The following CACNA2D1 variants were observed in gnomAD, a reference collection of about 807,000 sequenced individuals.
CACNA2D1 encodes the protein voltage-dependent calcium channel subunit alpha-2/delta-1.
In CACNA2D1, 53 loss-of-function variants were observed where a neutral mutation model predicts 171.5. The ratio of observed to expected loss-of-function variants is 0.31; its 90% CI spans 0.25 to 0.39. The LOEUF is 0.39. CACNA2D1 is among the 10% of genes least tolerant of loss of function. The pLI is 1.00. For missense variants in CACNA2D1, 903 were observed against 1,299.8 expected, an observed-to-expected ratio of 0.69 and a Z score of 4.69; for synonymous variants, 442 against 443.1, an observed-to-expected ratio of 1.00 and a Z score of 0.03.
intron 3 of CACNA2D1, among the ~76,000 whole-genome samples, chr7:82,208,855 A>G (rs1585103789): frequency 6.6e-6 from 1 of 152,176 alleles, no homozygotes; most frequent in African/African-American, 2.4e-5. Context: ...TAAATGAATG[A>G]TATGTGAGGT....
intron 22 of CACNA2D1, among the ~76,000 whole-genome samples, chr7:81,983,547 C>T (rs1034753645): frequency 2.6e-5 from 4 of 152,068 alleles, no homozygotes; most frequent in Non-Finnish European, 5.9e-5. Flanking sequence ...AACTAGATTA[C>T]CCTCTCTGTA....
chr7:82,243,823 A>G (rs1235701339), intron 3 of CACNA2D1, among the ~76,000 whole-genome samples: 4 of 152,324 alleles, frequency 2.6e-5, no homozygotes, highest in South Asian at 2.1e-4. Context: ...GTGAAATTAC[A>G]GAACTATTTA....
At chr7:82,244,349 T>C (rs770012361) in intron 3 of CACNA2D1, among the ~76,000 whole-genome samples, 14 of 152,106 alleles carry the variant, frequency 9.2e-5, no homozygotes, top group Admixed American at 3.3e-4. Context: ...TATAATCCCA[T>C]AAGACAAAAC....
At chr7:82,144,232 A>C (rs1179352804) in intron 4 of CACNA2D1, among the ~76,000 whole-genome samples, 2 of 152,010 alleles carry the variant, frequency 1.3e-5, no homozygotes, top group Non-Finnish European at 2.9e-5. Flanking sequence ...AACACAATCG[A>C]TAGTACTGAT....
chr7:82,436,908 C>T (rs1055123264), intron 1 of CACNA2D1, among the ~76,000 whole-genome samples: 5 of 152,156 alleles, frequency 3.3e-5, no homozygotes, highest in African/African-American at 1.2e-4. Context: ...ATTTTATTAG[C>T]TCTTTCCCCT....
intron 13 of CACNA2D1, 49 bp from the exon 14 acceptor site, chr7:82,013,559 A>T (rs1441072440): frequency 1.5e-6 from 1 of 651,162 alleles, no homozygotes; most frequent in Non-Finnish European, 2.2e-6. Flanking sequence ...TTTATAATAA[A>T]GGGCCACAAA....
At chr7:82,415,166 C>T (rs1828043797) in intron 1 of CACNA2D1, among the ~76,000 whole-genome samples, 1 of 152,180 alleles carries the variant, frequency 6.6e-6, no homozygotes, top group Non-Finnish European at 1.5e-5. Context: ...CAGGAAGACA[C>T]ATCAGATACA....
At chr7:82,059,642 T>G (rs1806358422) in intron 10 of CACNA2D1, among the ~76,000 whole-genome samples, 1 of 152,022 alleles carries the variant, frequency 6.6e-6, no homozygotes, top group Admixed American at 6.6e-5. Context: ...CTTCAATTAC[T>G]TTAACCAGGG....
intron 3 of CACNA2D1, among the ~76,000 whole-genome samples, chr7:82,273,180 T>C (rs1585295071): frequency 6.6e-6 from 1 of 152,084 alleles, no homozygotes; most frequent in Admixed American, 6.5e-5. Flanking sequence ...AAACACACTA[T>C]CATAAACTGC....
At chr7:82,032,450 T>G (rs1044656632) in intron 12 of CACNA2D1, among the ~76,000 whole-genome samples, 5 of 151,578 alleles carry the variant, frequency 3.3e-5, no homozygotes, top group African/African-American at 1.2e-4. Context: ...TATAATAAAT[T>G]TTATCCAATA....
chr7:82,165,355 G>A (rs377007815), intron 4 of CACNA2D1, among the ~76,000 whole-genome samples: 2 of 151,890 alleles, frequency 1.3e-5, no homozygotes, highest in South Asian at 2.1e-4. Context: ...ACGTACTATT[G>A]TCATTTTGGC....
chr7:82,395,427 G>A (rs778627791), intron 1 of CACNA2D1, among the ~76,000 whole-genome samples: 2 of 152,126 alleles, frequency 1.3e-5, no homozygotes, highest in African/African-American at 2.4e-5. Context: ...CTGCTTTTCA[G>A]ATTTTAATTT....
chr7:82,232,213 T>C (rs1219754817), intron 3 of CACNA2D1, among the ~76,000 whole-genome samples: 1 of 152,184 alleles, frequency 6.6e-6, no homozygotes, highest in Non-Finnish European at 1.5e-5. Flanking sequence ...ATAGTCAGAA[T>C]ACTAAAATGT....
intron 3 of CACNA2D1, among the ~76,000 whole-genome samples, chr7:82,304,100 A>G (rs920022329): frequency 2.6e-5 from 4 of 152,134 alleles, no homozygotes; most frequent in East Asian, 1.9e-4. Context: ...AAAGTTCAAC[A>G]TCGCTAATCA....
chr7:82,217,319 T>C (rs1369115654), intron 3 of CACNA2D1, among the ~76,000 whole-genome samples: 1 of 142,984 alleles, frequency 7.0e-6, no homozygotes, highest in African/African-American at 2.6e-5. Flanking sequence ...TACTTCGTGT[T>C]ACATTGATGT....
chr7:81,951,969 G>GTTTTTTTTTTTTTTT lies in CACNA2D1; in HGVS notation c.3160-1476_3160-1462dup, dbSNP rs774805421. On this transcript the variant is annotated intron_variant, in intron 38 of 38. Coordinates refer to ENST00000356860, the MANE Select transcript of CACNA2D1 (RefSeq NM_000722.4). ...CATTCCCACCAGCAGTGTACAAAGT[G>GTTTTTTTTTTTTTTT]TTTTTTTTTTTTTTTTTTTTTTAAC... Among the ~76,000 whole-genome samples the GTTTTTTTTTTTTTTT allele has an allele frequency of 1.3e-4, 9 of 71,904 alleles. 1 individual carries two copies. Among genetic ancestry groups the GTTTTTTTTTTTTTTT allele is most frequent in the African/African-American group, 1.2e-4 (2 of 16,498 alleles). The allele number at this position is 71,904 out of a possible 152,430, so 47.2% of individuals were successfully genotyped here. A position where few individuals can be genotyped will look rare whatever the true frequency, so the allele number is the denominator to read the frequency against.
chr7:82,213,562 C>T (rs1800781096), intron 3 of CACNA2D1, among the ~76,000 whole-genome samples: 1 of 152,192 alleles, frequency 6.6e-6, no homozygotes, highest in Non-Finnish European at 1.5e-5. Context: ...ACAAAACCTG[C>T]TTTCAATTAA....
chr7:81,974,039 C>T (rs567699277), intron 25 of CACNA2D1, among the ~76,000 whole-genome samples: 73 of 151,872 alleles, frequency 4.8e-4, no homozygotes, highest in African/African-American at 1.6e-3. Context: ...CTTTATACTT[C>T]GGTTTTTATT....
Position 82,362,332 on chromosome 7 carries a change from A to G in CACNA2D1, c.96-12683T>C, listed in dbSNP as rs150011491. ...GCAGTTTTAAAATGGACCACCCTGT[A>G]TTGTAACGTTAAAGTCTAAAGATTT... is the stretch of plus-strand genomic sequence containing the variant. On this transcript the variant is annotated intron_variant, in intron 1 of 38. Coordinates refer to ENST00000356860, the MANE Select transcript of CACNA2D1 (RefSeq NM_000722.4). Among the ~76,000 whole-genome samples, 51 of 152,274 alleles carry G rather than the reference A, an allele frequency of 3.3e-4. No individual in the cohort carries two copies. In the East Asian group the frequency reaches 9.9e-3, roughly 29 times the overall value.
Sources: allele counts gnomAD v4.1 joint callset (sites outside exome capture counted in the v4.1 genomes callset), GRCh38; gene constraint gnomAD v4.1.1; transcripts MANE v1.5; gene names NCBI Gene and HGNC (gene_info 2026-07-23, HGNC 2026-07-21).